PRRX2: variants seen among roughly 807,000 people sequenced by gnomAD.
The protein encoded by PRRX2 is paired mesoderm homeobox protein 2.
Under a neutral mutation model 18.0 loss-of-function variants are expected in PRRX2, and 11 were observed. The observed-to-expected ratio is 0.61, with a 90% CI of 0.39 to 1.01. The LOEUF (loss-of-function observed/expected upper bound fraction) is 1.01. Among genes scored for constraint, PRRX2 ranks in the 50% least tolerant of loss-of-function variants. The pLI is 0.01. For missense variants in PRRX2, 387 were observed against 351.0 expected, an observed-to-expected ratio of 1.10 and a Z score of -0.82; for synonymous variants, 177 against 154.8, an observed-to-expected ratio of 1.14 and a Z score of -1.06.
At chr9:129,714,988 T>G (rs1459051750) in intron 1 of PRRX2, among the ~76,000 whole-genome samples, 1 of 152,150 alleles carries the variant, frequency 6.6e-6, no homozygotes, top group East Asian at 1.9e-4. Flanking sequence ...AGTTTCTTCC[T>G]CATCGAGGTG....
intron 1 of PRRX2, among the ~76,000 whole-genome samples, chr9:129,701,555 G>T (rs1832497526): frequency 6.6e-6 from 1 of 152,228 alleles, no homozygotes; most frequent in Non-Finnish European, 1.5e-5. Flanking sequence ...TCACACTGGA[G>T]TCTGTGGGAA....
chr9:129,694,134 C>G (rs1832393278), intron 1 of PRRX2, among the ~76,000 whole-genome samples: 2 of 152,118 alleles, frequency 1.3e-5, no homozygotes, highest in Non-Finnish European at 1.5e-5. Flanking sequence ...TGAGCCAGCC[C>G]CGGCCTGAGT....
rs1287262637 is a variant in PRRX2 at position 129,695,929 on chromosome 9, C to T, written c.260-23302C>T. On this transcript the variant is annotated intron_variant, in intron 1 of 3. Transcript: ENST00000372469. The surrounding 1 kb of genome is among the most constrained non-coding windows in gnomAD (Gnocchi z 4.8). ...ACTCTTCTCCCATTTTAAGGGTGAACATGGCACTTTGATGTGGCCCCATTT... is the reference window on the plus strand; with the variant it reads ...ACTCTTCTCCCATTTTAAGGGTGAATATGGCACTTTGATGTGGCCCCATTT... 2.6e-5 allele frequency among the ~76,000 whole-genome samples: 4 copies of T among 152,162 alleles called. No homozygotes were observed. The highest frequency in any genetic ancestry group is 4.4e-5 in the Non-Finnish European group (3 of 68,038).
At chr9:129,693,882 C>T (rs1832390057) in intron 1 of PRRX2, among the ~76,000 whole-genome samples, 1 of 152,144 alleles carries the variant, frequency 6.6e-6, no homozygotes, top group African/African-American at 2.4e-5. Context: ...CCAAAATGAG[C>T]GTGTCAAGGG....
At chr9:129,673,247 A>C (rs1299438875) in intron 1 of PRRX2, among the ~76,000 whole-genome samples, 1 of 152,188 alleles carries the variant, frequency 6.6e-6, no homozygotes, top group East Asian at 1.9e-4. Context: ...CCAAAAGTTC[A>C]AGACCAGCTT....
chr9:129,719,922 G>A (rs1424655309), intron 2 of PRRX2, among the ~76,000 whole-genome samples: 2 of 152,174 alleles, frequency 1.3e-5, no homozygotes, highest in Non-Finnish European at 2.9e-5. Flanking sequence ...GGGAGGTAGA[G>A]GTTGCAGTAA....
chr9:129,692,993 G>A (rs776840452), intron 1 of PRRX2, among the ~76,000 whole-genome samples: 6 of 152,198 alleles, frequency 3.9e-5, no homozygotes, highest in African/African-American at 7.2e-5. Context: ...CAAAGTGGCT[G>A]TACCATTTCG....
At chr9:129,672,164 A>G (rs1013620367) in intron 1 of PRRX2, among the ~76,000 whole-genome samples, 1 of 152,126 alleles carries the variant, frequency 6.6e-6, no homozygotes, top group Non-Finnish European at 1.5e-5. Context: ...AGGGGACCCA[A>G]TGCTTGCTTG....
At chr9:129,690,788 GA>G (rs981991136) in intron 1 of PRRX2, among the ~76,000 whole-genome samples, 40 of 152,032 alleles carry the variant, frequency 2.6e-4, no homozygotes, top group Non-Finnish European at 5.9e-4. Context: ...TTACAGGCAT[GA>G]GCCACCGCGC....
chr9:129,719,109 A>T, intron 1 of PRRX2, 122 bp from the exon 2 acceptor site: 2 of 923,184 alleles, frequency 2.2e-6, no homozygotes, highest in Non-Finnish European at 3.1e-6. Flanking sequence ...GGAGTGAATT[A>T]AAGGGACGCA....
intron 1 of PRRX2, among the ~76,000 whole-genome samples, chr9:129,670,997 G>A (rs1832092803): frequency 6.6e-6 from 1 of 152,198 alleles, no homozygotes; most frequent in South Asian, 2.1e-4. Flanking sequence ...GTGACCTTGG[G>A]GGTGTCATGT....
chr9:129,706,467 G>A (rs1195418695), intron 1 of PRRX2, among the ~76,000 whole-genome samples: 1 of 152,122 alleles, frequency 6.6e-6, no homozygotes, highest in Non-Finnish European at 1.5e-5. Context: ...GGAGGCTGAG[G>A]CAAGAGAATC....
chr9:129,720,542 AGG>A, intron 2 of PRRX2, 52 bp from the exon 3 acceptor site: 1 of 1,494,694 alleles, frequency 6.7e-7, no homozygotes, highest in Non-Finnish European at 9.0e-7. Flanking sequence ...CAGGTCCAGA[AGG>A]ACTTGGGTCC....
At chr9:129,693,797 C>A (rs2130920194) in intron 1 of PRRX2, among the ~76,000 whole-genome samples, 1 of 152,278 alleles carries the variant, frequency 6.6e-6, no homozygotes, top group Admixed American at 6.5e-5. Flanking sequence ...TGCCACATTG[C>A]TGCTTGTTTA....
chr9:129,694,246 TCTGCCTCCTGGATTCAAGCCATTCTC>T (rs1832394418), intron 1 of PRRX2, among the ~76,000 whole-genome samples: 2 of 152,200 alleles, frequency 1.3e-5, no homozygotes, highest in South Asian at 4.1e-4. Flanking sequence ...CACTGCAACC[TCTGCCTCCTGGATTCAAGCCATTCTC>T]CTGCCTCCCT....
Position 129,699,139 on chromosome 9 carries a change from T to A in PRRX2, c.260-20092T>A, listed in dbSNP as rs570865827. ...CCTGTCAATTAAAAAAATCCATCAATAGGCTGGGCGCAGTGGCTCACGCCC... is the reference window on the plus strand; with the variant it reads ...CCTGTCAATTAAAAAAATCCATCAAAAGGCTGGGCGCAGTGGCTCACGCCC... On this transcript the variant is annotated intron_variant, in intron 1 of 3. Transcript: ENST00000372469. Among the ~76,000 whole-genome samples, 25 of 152,234 alleles carry A rather than the reference T, an allele frequency of 1.6e-4. No individual in the cohort carries two copies. The South Asian group carries it at 3.9e-3, about 24-fold the overall frequency.
chr9:129,686,429 C>T (rs1832299516), intron 1 of PRRX2, among the ~76,000 whole-genome samples: 1 of 152,218 alleles, frequency 6.6e-6, no homozygotes, highest in Non-Finnish European at 1.5e-5. Flanking sequence ...TCACTGCAGT[C>T]TCCATGTCCT....
At chr9:129,705,169 C>T (rs1832541891) in intron 1 of PRRX2, among the ~76,000 whole-genome samples, 1 of 142,578 alleles carries the variant, frequency 7.0e-6, no homozygotes, top group African/African-American at 2.6e-5. Flanking sequence ...CAACAGGTGC[C>T]CCCCTCTCTA....
intron 1 of PRRX2, among the ~76,000 whole-genome samples, chr9:129,705,720 C>G (rs1832548851): frequency 6.6e-6 from 1 of 152,158 alleles, no homozygotes; most frequent in South Asian, 2.1e-4. Context: ...GTCCCCAACC[C>G]TGGCTCCCCG....
Sources: allele counts gnomAD v4.1 joint callset (sites outside exome capture counted in the v4.1 genomes callset), GRCh38; gene constraint gnomAD v4.1.1; non-coding constraint Gnocchi (gnomAD v3.1); transcripts MANE v1.5; gene names NCBI Gene and HGNC (gene_info 2026-07-23, HGNC 2026-07-21).